The following TULP4 variants were observed in gnomAD, a reference collection of about 807,000 sequenced individuals.
The protein encoded by TULP4 is TUB like protein 4.
A neutral mutation model predicts 129.0 loss-of-function variants in TULP4; 16 were observed. The observed-to-expected ratio is 0.12, with a 90% CI of 0.08 to 0.19. TULP4 has a LOEUF of 0.19. Ranked by LOEUF, TULP4 falls within the 10% of genes least tolerant of loss-of-function variation. The probability of loss-of-function intolerance (pLI) is 1.00; values close to 1 mark genes in which losing one functional copy is unlikely to be tolerated. For synonymous variants in TULP4, 998 were observed against 854.0 expected, an observed-to-expected ratio of 1.17 and a Z score of -2.94; for missense variants, 1,842 against 2,059.1, an observed-to-expected ratio of 0.89 and a Z score of 2.04.
intron 1 of TULP4, among the ~76,000 whole-genome samples, chr6:158,299,145 G>T (rs921685429): frequency 9.2e-5 from 14 of 152,084 alleles, no homozygotes; most frequent in Non-Finnish European, 1.8e-4. Context: ...GGTCGGGGTG[G>T]GGGGTAATGC....
At chr6:158,301,815 T>C (rs4273715) in intron 1 of TULP4, among the ~76,000 whole-genome samples, 26,257 of 152,168 alleles carry the variant, frequency 0.17, 2,704 homozygotes, top group Middle Eastern at 0.24. Flanking sequence ...ACTGCAGAGA[T>C]TGGAATCTCC....
At chr6:158,428,938 A>G (rs1320849748) in intron 2 of TULP4, among the ~76,000 whole-genome samples, 1 of 152,230 alleles carries the variant, frequency 6.6e-6, no homozygotes, top group African/African-American at 2.4e-5. Flanking sequence ...CATACAGAAC[A>G]CTGGTGATGC....
chr6:158,341,022 T>A (rs1289985021), intron 1 of TULP4, among the ~76,000 whole-genome samples: 1 of 152,172 alleles, frequency 6.6e-6, no homozygotes, highest in Non-Finnish European at 1.5e-5. Context: ...GAACACTAGA[T>A]CTTATTCCTT....
chr6:158,415,896 G>T (rs138416598), intron 2 of TULP4, among the ~76,000 whole-genome samples: 1 of 152,156 alleles, frequency 6.6e-6, no homozygotes, highest in Non-Finnish European at 1.5e-5. Flanking sequence ...ATGATAGGCC[G>T]TCTGCAAGTT....
At chr6:158,371,403 TG>T (rs1777065649) in intron 1 of TULP4, among the ~76,000 whole-genome samples, 1 of 152,238 alleles carries the variant, frequency 6.6e-6, no homozygotes, top group Non-Finnish European at 1.5e-5. Context: ...GTTCACTTTT[TG>T]GCTCTAGTTT....
chr6:158,333,717 G>GA (rs1304514500), intron 1 of TULP4, among the ~76,000 whole-genome samples: 1 of 151,986 alleles, frequency 6.6e-6, no homozygotes, highest in Non-Finnish European at 1.5e-5. Flanking sequence ...TAGAAATATT[G>GA]AAAAAATTAA....
intron 1 of TULP4, among the ~76,000 whole-genome samples, chr6:158,348,173 G>GTTTTTTTTTTTTT (rs34217788): frequency 5.2e-4 from 58 of 112,136 alleles, no homozygotes; most frequent in African/African-American, 1.9e-3. Flanking sequence ...TTTTTTTAAG[G>GTTTTTTTTTTTTT]TTTTTTTTTT....
At chr6:158,363,795 T>TCCAGTCTCTGC (rs1780855932) in intron 1 of TULP4, among the ~76,000 whole-genome samples, 3 of 152,264 alleles carry the variant, frequency 2.0e-5, no homozygotes, top group South Asian at 4.2e-4. Context: ...GCGTGTTTTT[T>TCCAGTCTCTGC]TTTTCTTTTA....
At chr6:158,240,265 G>A (rs1583665916) in intron 1 of TULP4, among the ~76,000 whole-genome samples, 7 of 78,714 alleles carry the variant, frequency 8.9e-5, no homozygotes, top group Admixed American at 6.4e-4. Context: ...CCGGGCAGAG[G>A]GGCTCCTCAC....
At chr6:158,483,329 T>G (rs1779991347) in intron 8 of TULP4, among the ~76,000 whole-genome samples, 1 of 152,162 alleles carries the variant, frequency 6.6e-6, no homozygotes, top group Admixed American at 6.5e-5. Flanking sequence ...AATTTCTTTT[T>G]TCTTTTTATT....
chr6:158,440,714 C>T (rs1245326998), intron 3 of TULP4, among the ~76,000 whole-genome samples: 17 of 152,348 alleles, frequency 1.1e-4, no homozygotes, highest in African/African-American at 2.4e-5. Flanking sequence ...GACAGCCTCC[C>T]ACCCTTCAGG....
At chr6:158,343,557 C>T (rs1378395014) in intron 1 of TULP4, among the ~76,000 whole-genome samples, 1 of 152,126 alleles carries the variant, frequency 6.6e-6, no homozygotes, top group African/African-American at 2.4e-5. Context: ...CTCGCACCCT[C>T]TTTCCCTCAC....
At chr6:158,319,937 A>T (rs977124275) in intron 1 of TULP4, among the ~76,000 whole-genome samples, 4 of 152,210 alleles carry the variant, frequency 2.6e-5, no homozygotes, top group African/African-American at 4.8e-5. Context: ...TGGTGAAAAT[A>T]TATGCCCCCC....
chr6:158,355,183 C>T (rs542922320), intron 1 of TULP4, among the ~76,000 whole-genome samples: 7 of 152,044 alleles, frequency 4.6e-5, no homozygotes, highest in South Asian at 4.2e-4. Flanking sequence ...GCAATCATCC[C>T]GCCTCAGCTT....
At chr6:158,346,260 A>G (rs1386446788) in intron 1 of TULP4, among the ~76,000 whole-genome samples, 1 of 152,246 alleles carries the variant, frequency 6.6e-6, no homozygotes, top group Non-Finnish European at 1.5e-5. Context: ...AACAGGATTA[A>G]GAGATTAAAG....
chr6:158,266,911 A>G (rs1357149293), intron 1 of TULP4, among the ~76,000 whole-genome samples: 1 of 152,222 alleles, frequency 6.6e-6, no homozygotes, highest in Non-Finnish European at 1.5e-5. Flanking sequence ...ATCCATCTCC[A>G]GAACTTTTGT....
chr6:158,403,583 G>A (rs1253711092), intron 1 of TULP4, among the ~76,000 whole-genome samples: 3 of 152,040 alleles, frequency 2.0e-5, no homozygotes, highest in Non-Finnish European at 1.5e-5. Context: ...CAGGTGATCC[G>A]CCCGCCTCGG....
chr6:158,332,202 T>A (rs4994221), intron 1 of TULP4, among the ~76,000 whole-genome samples: 278 of 4,606 alleles, frequency 0.06, 1 homozygote, highest in African/African-American at 0.089. Flanking sequence ...AAAAAAAAAA[T>A]ATATATATAT....
intron 1 of TULP4, among the ~76,000 whole-genome samples, chr6:158,365,899 C>CTTTTTTTTTTTTTTTTTT (rs5881257): frequency 1.7e-5 from 1 of 57,542 alleles, no homozygotes; most frequent in Non-Finnish European, 2.9e-5. Context: ...CTTTTTCTTT[C>CTTTTTTTTTTTTTTTTTT]TTTTTTTTTT....
Sources: gnomAD v4.1 joint callset for allele counts (sites outside exome capture counted in the v4.1 genomes callset) on GRCh38, gnomAD v4.1.1 for gene constraint, MANE v1.5 for transcripts, NCBI Gene and HGNC (gene_info 2026-07-23, HGNC 2026-07-21) for gene names.